PRELID2: variants seen among roughly 807,000 people sequenced by gnomAD.
PRELID2 encodes the protein PRELI domain-containing protein 2.
In PRELID2, 25 loss-of-function variants were observed where a neutral mutation model predicts 28.4. The observed-to-expected ratio is 0.88, with a 90% CI of 0.64 to 1.23. The LOEUF is 1.23. Ranked by LOEUF, PRELID2 falls within the 50% of genes most tolerant of loss-of-function variation. The probability of loss-of-function intolerance (pLI) is 0.00; values close to 1 mark genes in which losing one functional copy is unlikely to be tolerated. For missense variants in PRELID2, 201 were observed against 214.4 expected, an observed-to-expected ratio of 0.94 and a Z score of 0.39; for synonymous variants, 76 against 71.6, an observed-to-expected ratio of 1.06 and a Z score of -0.31.
At chr5:145,673,997 A>G (rs1754762799) in intron 1 of PRELID2, among the ~76,000 whole-genome samples, 1 of 152,198 alleles carries the variant, frequency 6.6e-6, no homozygotes, top group South Asian at 2.1e-4. Context: ...ATACTTAGTG[A>G]GTGCCAATAA....
chr5:145,305,115 G>A, the PRELID2 span, among the ~76,000 whole-genome samples: 1 of 152,096 alleles, frequency 6.6e-6, no homozygotes, highest in Non-Finnish European at 1.5e-5. Flanking sequence ...CCAGTCATGG[G>A]AATTTTAAAG....
the PRELID2 span, among the ~76,000 whole-genome samples, chr5:145,251,212 A>G: frequency 6.6e-6 from 1 of 152,122 alleles, no homozygotes; most frequent in African/African-American, 2.4e-5. Flanking sequence ...TCAGCAGCAG[A>G]GGGCAATGGG....
In PRELID2 at chr5:145,757,976, G is replaced by C. The variant is rs1757310731; in HGVS notation, c.*2560C>G. On this transcript the variant is annotated 3_prime_UTR_variant, in exon 7 of 7. Transcript: ENST00000683046. ...TACATCTAAAAGTAGTCTTAGAGGA[G>C]AGGCAGAATAAAACTTACATCCAGA... Among the ~76,000 whole-genome samples the C allele has an allele frequency of 6.6e-6, 1 of 152,146 alleles. No homozygotes were observed.
At chr5:145,599,369 C>T (rs1753355360) in intron 1 of PRELID2, among the ~76,000 whole-genome samples, 1 of 152,126 alleles carries the variant, frequency 6.6e-6, no homozygotes, top group Admixed American at 6.6e-5. Context: ...TCACTAAATC[C>T]AGGCTCAACT....
chr5:145,375,580 C>T, the PRELID2 span, among the ~76,000 whole-genome samples: 42 of 152,234 alleles, frequency 2.8e-4, no homozygotes, highest in Admixed American at 2.0e-3. Flanking sequence ...GGAGGAAAGG[C>T]GAAGTCTGCT....
At chr5:145,653,689 C>T (rs992064181) in intron 1 of PRELID2, among the ~76,000 whole-genome samples, 2 of 152,210 alleles carry the variant, frequency 1.3e-5, no homozygotes, top group Non-Finnish European at 2.9e-5. Flanking sequence ...TAAAGATGTT[C>T]TTTGAAACCA....
chr5:145,547,761 TG>T, intron 1 of PRELID2, among the ~76,000 whole-genome samples: 1 of 152,202 alleles, frequency 6.6e-6, no homozygotes, highest in Non-Finnish European at 1.5e-5. Flanking sequence ...GGTGTCTCAA[TG>T]TTGGTTTGGC....
At chr5:145,813,350 C>A (rs10476876) in intron 4 of PRELID2, among the ~76,000 whole-genome samples, 1 of 152,172 alleles carries the variant, frequency 6.6e-6, no homozygotes. Context: ...TGCCTAAATG[C>A]CTTTCTAAAT....
At chr5:145,525,845 A>T (rs1395688131) in intron 1 of PRELID2, among the ~76,000 whole-genome samples, 1 of 152,216 alleles carries the variant, frequency 6.6e-6, no homozygotes, top group Non-Finnish European at 1.5e-5. Context: ...ACATTCTAAA[A>T]ACTGACTTGA....
chr5:145,469,710 C>T (rs190717738), downstream of PRELID2, among the ~76,000 whole-genome samples: 94 of 152,176 alleles, frequency 6.2e-4, no homozygotes, highest in Non-Finnish European at 1.1e-3. Context: ...TAGTCAATTT[C>T]TTGAGATTCA....
the PRELID2 span, among the ~76,000 whole-genome samples, chr5:145,456,681 T>C: frequency 6.6e-6 from 1 of 152,212 alleles, no homozygotes; most frequent in Admixed American, 6.5e-5. Flanking sequence ...ATAATGCTAA[T>C]AGACGCACAG....
At chr5:145,399,349 T>A in the PRELID2 span, among the ~76,000 whole-genome samples, 4 of 152,070 alleles carry the variant, frequency 2.6e-5, no homozygotes, top group African/African-American at 9.7e-5. Context: ...AATAAATTAA[T>A]ATATATAAAT....
chr5:145,709,875 C>G (rs1320553111), intron 1 of PRELID2, among the ~76,000 whole-genome samples: 1 of 152,196 alleles, frequency 6.6e-6, no homozygotes, highest in Non-Finnish European at 1.5e-5. Flanking sequence ...TGAATGTGAT[C>G]TTGCAATAAA....
At chr5:145,620,603 G>T (rs891299952) in intron 1 of PRELID2, among the ~76,000 whole-genome samples, 2 of 152,152 alleles carry the variant, frequency 1.3e-5, no homozygotes, top group African/African-American at 4.8e-5. Context: ...GTAGTGAGTG[G>T]CTCATGCCTG....
chr5:145,389,244 T>A, the PRELID2 span, among the ~76,000 whole-genome samples: 1 of 152,150 alleles, frequency 6.6e-6, no homozygotes, highest in African/African-American at 2.4e-5. Flanking sequence ...ACTGATTGAT[T>A]GATTCAGATT....
intron 1 of PRELID2, among the ~76,000 whole-genome samples, chr5:145,661,612 C>A (rs1754494140): frequency 6.7e-6 from 1 of 149,682 alleles, no homozygotes; most frequent in East Asian, 2.0e-4. Flanking sequence ...TGTCACAATG[C>A]CTGGGATTCA....
chr5:145,537,121 G>A (rs1752706422), intron 1 of PRELID2, among the ~76,000 whole-genome samples: 1 of 151,756 alleles, frequency 6.6e-6, no homozygotes, highest in African/African-American at 2.4e-5. Context: ...TACCAAAAGG[G>A]CATACATATG....
chr5:145,728,158 C>A (rs1756227971), intron 1 of PRELID2, among the ~76,000 whole-genome samples: 1 of 152,110 alleles, frequency 6.6e-6, no homozygotes, highest in African/African-American at 2.4e-5. Context: ...AGAGCACTGA[C>A]CGTATATTGC....
chr5:145,311,057 C>G, the PRELID2 span, among the ~76,000 whole-genome samples: 1 of 152,096 alleles, frequency 6.6e-6, no homozygotes, highest in Non-Finnish European at 1.5e-5. Flanking sequence ...TAAGTAAAAT[C>G]GGGCCAGATG....
Sources: gnomAD v4.1 joint callset for allele counts (sites outside exome capture counted in the v4.1 genomes callset) on GRCh38, gnomAD v4.1.1 for gene constraint, MANE v1.5 for transcripts, NCBI Gene and HGNC (gene_info 2026-07-23, HGNC 2026-07-21) for gene names.